ATE1: variants seen among roughly 807,000 people sequenced by gnomAD.
ATE1 encodes arginyltransferase 1.
ATE1 carries 36 observed loss-of-function variants against 70.5 expected under a neutral mutation model. The ratio of observed to expected loss-of-function variants is 0.51; its 90% CI spans 0.39 to 0.67. The LOEUF (loss-of-function observed/expected upper bound fraction) is 0.67, where lower values mean the gene tolerates loss of function less well. ATE1 is among the 30% of genes least tolerant of loss of function. The pLI is 0.00. For synonymous variants in ATE1, 232 were observed against 219.3 expected (o/e 1.06, Z -0.51); for missense variants, 593 against 629.5 (o/e 0.94, Z 0.62).
chr10:121,887,061 T>G (rs1264353639), intron 7 of ATE1, among the ~76,000 whole-genome samples: 3 of 152,182 alleles, frequency 2.0e-5, no homozygotes, highest in Admixed American at 2.0e-4. Flanking sequence ...TTTTAATGCC[T>G]CAATGAAAAT....
At chr10:121,878,466 A>C (rs1226824210) in intron 7 of ATE1, among the ~76,000 whole-genome samples, 1 of 151,858 alleles carries the variant, frequency 6.6e-6, no homozygotes, top group Non-Finnish European at 1.5e-5. Context: ...GGTGGTGCAC[A>C]CCTATAATCC....
chr10:121,771,339 G>C (rs538545272), intron 11 of ATE1, among the ~76,000 whole-genome samples: 3 of 152,260 alleles, frequency 2.0e-5, no homozygotes, highest in African/African-American at 7.2e-5. Flanking sequence ...AAAGTGCTGG[G>C]ATTACAGGTG....
At chr10:121,817,470 C>T (rs1282217683) in intron 10 of ATE1, among the ~76,000 whole-genome samples, 4 of 151,200 alleles carry the variant, frequency 2.6e-5, no homozygotes, top group Admixed American at 6.6e-5. Context: ...ACCCGGTAGG[C>T]GGAGCTTGCA....
chr10:121,913,761 A>G, intron 4 of ATE1, 29 bp downstream of exon 4: 1 of 1,488,352 alleles, frequency 6.7e-7, no homozygotes, highest in Non-Finnish European at 9.3e-7. Flanking sequence ...GACAGATAGT[A>G]AATCGTTTTT....
chr10:121,887,646 C>T (rs1340586805), intron 7 of ATE1, among the ~76,000 whole-genome samples: 3 of 152,260 alleles, frequency 2.0e-5, no homozygotes, highest in Non-Finnish European at 4.4e-5. Flanking sequence ...TTTGAGGTTA[C>T]AGTGAGCTAT....
At chr10:121,911,442 TAA>T (rs371014661) in intron 4 of ATE1, among the ~76,000 whole-genome samples, 44 of 128,284 alleles carry the variant, frequency 3.4e-4, no homozygotes, top group Non-Finnish European at 4.4e-4. Context: ...TACAGTAAAT[TAA>T]AAAAAAAAAA....
chr10:121,747,093 A>G (rs552363453), intron 11 of ATE1, among the ~76,000 whole-genome samples: 2 of 152,200 alleles, frequency 1.3e-5, no homozygotes, highest in Non-Finnish European at 2.9e-5. Context: ...TCACTGACAA[A>G]CAGCTTGGGA....
In ATE1 at chr10:121,927,829, G is replaced by C. The variant is rs1468628765; in HGVS notation, c.106+15C>G. The C allele has an allele frequency of 5.8e-6, 9 of 1,552,610 alleles. No individual in the cohort carries two copies. The African/African-American group carries it at 8.5e-5, about 15-fold the overall frequency. On this transcript the variant is annotated intron_variant, in intron 1 of 11. Coordinates refer to ENST00000224652, the MANE Select transcript of ATE1 (RefSeq NM_001001976.3). ...GGCGCCCGGCTTCCCACGCCCGCCGGCCCGGCTCGCTCACCATTGGAGCGG... is the reference window on the plus strand; with the variant it reads ...GGCGCCCGGCTTCCCACGCCCGCCGCCCCGGCTCGCTCACCATTGGAGCGG...
chr10:121,828,151 G>A (rs1027028629), intron 10 of ATE1, among the ~76,000 whole-genome samples: 4 of 152,220 alleles, frequency 2.6e-5, no homozygotes, highest in African/African-American at 7.2e-5. Context: ...AGGCATGACT[G>A]CATGTGGAAA....
intron 10 of ATE1, among the ~76,000 whole-genome samples, chr10:121,796,057 T>C (rs1946647302): frequency 6.6e-6 from 1 of 152,196 alleles, no homozygotes; most frequent in African/African-American, 2.4e-5. Flanking sequence ...TTCTAAGTAC[T>C]CAAAATTTTG....
intron 3 of ATE1, among the ~76,000 whole-genome samples, chr10:121,916,141 G>A (rs1951646994): frequency 6.6e-6 from 1 of 150,524 alleles, no homozygotes; most frequent in African/African-American, 2.4e-5. Flanking sequence ...GCAGGAGAAT[G>A]GCATGAACCC....
rs1010319615 is a variant in ATE1, at chr10:121,783,001, C to T, written c.1378+7168G>A. 2.0e-5 allele frequency among the ~76,000 whole-genome samples: 3 copies of T among 152,128 alleles called. No individual in the cohort carries two copies. The South Asian group carries it at 6.2e-4, about 32-fold the overall frequency. On this transcript the variant is annotated intron_variant, in intron 11 of 11. Coordinates refer to ENST00000224652, the MANE Select transcript of ATE1 (RefSeq NM_001001976.3). ...AGTGTGAGTTAATACTTAATAAACT[C>T]CCCGTTATATAATCTATTCCATTAG...
intron 10 of ATE1, among the ~76,000 whole-genome samples, chr10:121,810,725 CAG>C (rs1210377294): frequency 6.7e-6 from 1 of 150,244 alleles, no homozygotes; most frequent in East Asian, 2.0e-4. Context: ...TTTGTTGAGA[CAG>C]AGTCTCACTG....
chr10:121,815,921 G>A (rs1046248476), intron 10 of ATE1, among the ~76,000 whole-genome samples: 1 of 152,060 alleles, frequency 6.6e-6, no homozygotes, highest in Admixed American at 6.6e-5. Flanking sequence ...CCAGATGCCC[G>A]TAGCACACAT....
intron 5 of ATE1, among the ~76,000 whole-genome samples, chr10:121,906,165 G>A (rs12246704): frequency 0.13 from 20,128 of 152,178 alleles, 1,531 homozygotes; most frequent in East Asian, 0.19. Context: ...AGGCCAAGGT[G>A]AGAGGACTCC....
intron 10 of ATE1, among the ~76,000 whole-genome samples, chr10:121,790,828 T>C (rs1281456740): frequency 1.3e-5 from 2 of 152,060 alleles, no homozygotes. Context: ...TCTAAACTGA[T>C]AAACGTATAA....
At chr10:121,847,324 T>G (rs1948865779) in intron 8 of ATE1, among the ~76,000 whole-genome samples, 2 of 152,084 alleles carry the variant, frequency 1.3e-5, no homozygotes, top group African/African-American at 4.8e-5. Context: ...GGTGGGTACC[T>G]GTAATCCCAG....
chr10:121,818,778 C>T (rs1005792943), intron 10 of ATE1, among the ~76,000 whole-genome samples: 14 of 152,182 alleles, frequency 9.2e-5, no homozygotes, highest in African/African-American at 3.4e-4. Context: ...TGAATATAAA[C>T]AGGCTAGTTC....
intron 10 of ATE1, among the ~76,000 whole-genome samples, chr10:121,832,938 T>C (rs987298942): frequency 1.3e-5 from 2 of 152,178 alleles, no homozygotes; most frequent in Non-Finnish European, 2.9e-5. Context: ...AATTTGGATG[T>C]CATTTATCAG....
Sources: gnomAD v4.1 joint callset for allele counts (sites outside exome capture counted in the v4.1 genomes callset) on GRCh38, gnomAD v4.1.1 for gene constraint, MANE v1.5 for transcripts, NCBI Gene and HGNC (gene_info 2026-07-23, HGNC 2026-07-21) for gene names.